DCC: variants seen among roughly 807,000 people sequenced by gnomAD.
DCC encodes DCC netrin 1 receptor.
DCC carries 58 observed loss-of-function variants against 172.5 expected under a neutral mutation model. The observed-to-expected ratio is 0.34, with a 90% CI of 0.27 to 0.42. The LOEUF is 0.42. DCC is among the 10% of genes least tolerant of loss of function. The probability of loss-of-function intolerance (pLI) is 1.00; values close to 1 mark genes in which losing one functional copy is unlikely to be tolerated. For synonymous variants in DCC, 709 were observed against 644.5 expected (o/e 1.10, Z -1.52); for missense variants, 1,740 against 1,791.0 (o/e 0.97, Z 0.51).
chr18:52,824,998 C>A (rs991757141), intron 2 of DCC, among the ~76,000 whole-genome samples: 1 of 145,622 alleles, frequency 6.9e-6, no homozygotes, highest in African/African-American at 2.5e-5. Flanking sequence ...TGACTAAGAC[C>A]AGGGATATCT....
In DCC at chr18:52,912,414, G is replaced by A. The variant is rs534839762; in HGVS notation, c.697+6086G>A. Among the ~76,000 whole-genome samples, 3 of 151,992 alleles carry A rather than the reference G, an allele frequency of 2.0e-5. No individual in the cohort carries two copies. In the South Asian group the frequency reaches 6.2e-4, roughly 32 times the overall value. ...TAAATTACCTGATTTTGGATTCTGG[G>A]TCTCATAAGTATTAATTTGTCTACT... is the stretch of plus-strand genomic sequence containing the variant. On this transcript the variant is annotated intron_variant, in intron 3 of 28. Transcript: ENST00000442544.
chr18:52,959,400 T>G (rs1598971152), intron 5 of DCC, among the ~76,000 whole-genome samples: 1 of 152,132 alleles, frequency 6.6e-6, no homozygotes, highest in East Asian at 1.9e-4. Flanking sequence ...CTGTGTGGTC[T>G]TGGATGAGTT....
At chr18:52,980,817 A>C (rs67539636) in intron 5 of DCC, among the ~76,000 whole-genome samples, 8,833 of 152,176 alleles carry the variant, frequency 0.058, 442 homozygotes, top group East Asian at 0.21. Context: ...GAAATAGTTA[A>C]TTCATAAAGT....
chr18:53,509,454 G>A (rs942188781), intron 27 of DCC, among the ~76,000 whole-genome samples: 6 of 152,204 alleles, frequency 3.9e-5, no homozygotes, highest in African/African-American at 1.4e-4. Context: ...GGCAGATTTA[G>A]ATTTAGCAGA....
At chr18:52,820,450 T>C (rs1201115561) in intron 2 of DCC, among the ~76,000 whole-genome samples, 1 of 120,034 alleles carries the variant, frequency 8.3e-6, no homozygotes, top group African/African-American at 3.2e-5. Context: ...ATGTGAAATA[T>C]AAAATGTTTT....
At chr18:53,047,572 A>T (rs1453601004) in intron 5 of DCC, among the ~76,000 whole-genome samples, 1 of 148,628 alleles carries the variant, frequency 6.7e-6, no homozygotes, top group Non-Finnish European at 1.5e-5. Flanking sequence ...GTTGCCTTCA[A>T]TTGTAAAATC....
rs67103778 is a variant in DCC, at chr18:53,190,458, CTGTGTGTGTGTGTGTG to C, written c.1573+11372_1573+11387del. Among the ~76,000 whole-genome samples, 974 of 146,350 alleles carry C rather than the reference CTGTGTGTGTGTGTGTG, an allele frequency of 6.7e-3. 3 individuals are homozygous for C. The highest frequency in any genetic ancestry group is 9.0e-3 in the Non-Finnish European group (599 of 66,230). On this transcript the variant is annotated intron_variant, in intron 9 of 28. Coordinates refer to ENST00000442544, the MANE Select transcript of DCC (RefSeq NM_005215.4). ...TAATATTCCTACTACACTGCTAACT[CTGTGTGTGTGTGTGTG>C]TGTGTGTGTGTGTGTGTGTGTGTGT...
At chr18:52,431,651 A>G (rs1052992562) in intron 1 of DCC, among the ~76,000 whole-genome samples, 1 of 152,192 alleles carries the variant, frequency 6.6e-6, no homozygotes, top group East Asian at 1.9e-4. Context: ...TGAAATGCTC[A>G]GTGAACACCC....
chr18:53,272,196 T>A (rs2056756987), intron 12 of DCC, among the ~76,000 whole-genome samples: 1 of 152,168 alleles, frequency 6.6e-6, no homozygotes, highest in African/African-American at 2.4e-5. Flanking sequence ...TCTGTTTAGC[T>A]GAGTTAATCA....
intron 12 of DCC, among the ~76,000 whole-genome samples, chr18:53,235,281 C>T (rs1302482652): frequency 2.6e-5 from 4 of 152,028 alleles, no homozygotes; most frequent in African/African-American, 9.7e-5. Context: ...ACTCATTATC[C>T]CTGCTGGATG....
chr18:53,341,225 G>A (rs2057655741), intron 15 of DCC, among the ~76,000 whole-genome samples: 1 of 152,268 alleles, frequency 6.6e-6, no homozygotes, highest in South Asian at 2.1e-4. Flanking sequence ...CAGAGGGAGG[G>A]AGGTGCCCAT....
intron 27 of DCC, among the ~76,000 whole-genome samples, chr18:53,518,610 C>T (rs1034875332): frequency 2.0e-5 from 3 of 152,132 alleles, no homozygotes; most frequent in African/African-American, 7.2e-5. Flanking sequence ...CTCAGAACTC[C>T]AGCCCATTTT....
intron 9 of DCC, among the ~76,000 whole-genome samples, chr18:53,195,019 C>T (rs1410596981): frequency 2.0e-5 from 3 of 152,120 alleles, no homozygotes; most frequent in African/African-American, 7.2e-5. Flanking sequence ...TGAACACTTG[C>T]TTTTTCATAT....
chr18:53,097,996 G>A (rs1272895941), intron 7 of DCC, among the ~76,000 whole-genome samples: 1 of 152,102 alleles, frequency 6.6e-6, no homozygotes, highest in African/African-American at 2.4e-5. Context: ...ACACAACTCA[G>A]TCAGCTGAAG....
intron 5 of DCC, among the ~76,000 whole-genome samples, chr18:53,054,041 A>G (rs563480346): frequency 2.9e-4 from 44 of 152,224 alleles, no homozygotes; most frequent in Non-Finnish European, 1.5e-4. Flanking sequence ...TGCAGATACC[A>G]TAATCTGTGA....
At chr18:53,058,552 G>T (rs2042448343) in intron 5 of DCC, among the ~76,000 whole-genome samples, 1 of 151,964 alleles carries the variant, frequency 6.6e-6, no homozygotes, top group Non-Finnish European at 1.5e-5. Flanking sequence ...TAAATTCTAG[G>T]AAGCAATCCC....
intron 1 of DCC, among the ~76,000 whole-genome samples, chr18:52,398,286 T>C (rs1263560880): frequency 6.6e-6 from 1 of 152,016 alleles, no homozygotes; most frequent in African/African-American, 2.4e-5. Context: ...TCAGATATCT[T>C]AGAGCCTAAT....
chr18:53,327,146 T>A (rs2057476608), intron 14 of DCC, among the ~76,000 whole-genome samples: 1 of 152,218 alleles, frequency 6.6e-6, no homozygotes, highest in East Asian at 1.9e-4. Context: ...CTTGGAGAAA[T>A]ACCCCAAGTC....
chr18:52,657,690 G>T (rs2035282005), intron 1 of DCC, among the ~76,000 whole-genome samples: 1 of 152,162 alleles, frequency 6.6e-6, no homozygotes, highest in South Asian at 2.1e-4. Flanking sequence ...ATCCCATGTT[G>T]TCTGGAGAGA....
Sources: gnomAD v4.1 joint callset for allele counts (sites outside exome capture counted in the v4.1 genomes callset) on GRCh38, gnomAD v4.1.1 for gene constraint, MANE v1.5 for transcripts, NCBI Gene and HGNC (gene_info 2026-07-23, HGNC 2026-07-21) for gene names.